The following IL1RAPL2 variants were observed in gnomAD, a reference collection of about 807,000 sequenced individuals.
IL1RAPL2 encodes the protein interleukin 1 receptor accessory protein like 2.
IL1RAPL2 carries 3 observed loss-of-function variants against 44.1 expected under a neutral mutation model. The ratio of observed to expected loss-of-function variants is 0.07; its 90% CI spans 0.03 to 0.18. The LOEUF (loss-of-function observed/expected upper bound fraction) is 0.18, where lower values mean the gene tolerates loss of function less well. Among genes scored for constraint, IL1RAPL2 ranks in the 10% least tolerant of loss-of-function variants. The pLI is 1.00. For synonymous variants in IL1RAPL2, 181 were observed against 178.8 expected (o/e 1.01, Z -0.10); for missense variants, 391 against 496.4 (o/e 0.79, Z 2.02).
chrX:104,583,316 G>T (rs1928449217), intron 1 of IL1RAPL2, among the ~76,000 whole-genome samples: 1 of 111,486 alleles, frequency 9.0e-6, no homozygotes, highest in Non-Finnish European at 1.9e-5. Flanking sequence ...ACAGAGTCAT[G>T]CAACCATCAC....
chrX:105,521,059 C>T (rs368519640), intron 6 of IL1RAPL2, among the ~76,000 whole-genome samples: 3 of 103,683 alleles, frequency 2.9e-5, no homozygotes, highest in East Asian at 6.1e-4. Flanking sequence ...CTCAGCCTCC[C>T]GAGTAGCTGG....
chrX:104,700,831 CACTT>C (rs1166045140), intron 2 of IL1RAPL2, among the ~76,000 whole-genome samples: 2 of 111,894 alleles, frequency 1.8e-5, no homozygotes, highest in African/African-American at 6.5e-5. Flanking sequence ...CTCTCTTAAA[CACTT>C]AATACTGCCC....
intron 1 of IL1RAPL2, among the ~76,000 whole-genome samples, chrX:104,636,615 G>A (rs190724237): frequency 5.0e-4 from 56 of 112,059 alleles, no homozygotes; most frequent in African/African-American, 1.8e-3. Context: ...AGTGAGTGAG[G>A]CTTCGTGGGC....
At chrX:104,951,902 A>T (rs1293432033) in intron 2 of IL1RAPL2, among the ~76,000 whole-genome samples, 1 of 112,258 alleles carries the variant, frequency 8.9e-6, no homozygotes, top group Non-Finnish European at 1.9e-5. Flanking sequence ...CAAAGATTTA[A>T]AAAAGACGTT....
intron 9 of IL1RAPL2, among the ~76,000 whole-genome samples, chrX:105,750,374 A>C (rs2038586412): frequency 9.6e-6 from 1 of 104,045 alleles, no homozygotes; most frequent in Non-Finnish European, 1.9e-5. Context: ...CCTGTACTCA[A>C]GCAATCCTCC....
intron 1 of IL1RAPL2, among the ~76,000 whole-genome samples, chrX:104,581,022 A>G (rs1928334516): frequency 8.9e-6 from 1 of 112,255 alleles, no homozygotes; most frequent in African/African-American, 3.2e-5. Context: ...AATACTTGAC[A>G]TGCAAATGCC....
At chrX:105,030,505 T>C (rs1403158211) in intron 2 of IL1RAPL2, among the ~76,000 whole-genome samples, 7 of 111,811 alleles carry the variant, frequency 6.3e-5, no homozygotes, top group East Asian at 2.8e-4. Context: ...AATAGGGAAT[T>C]ATTTCCCCAT....
intron 2 of IL1RAPL2, among the ~76,000 whole-genome samples, chrX:104,964,279 GATTTATTTATTTATTT>G (rs199756067): frequency 9.9e-5 from 10 of 100,890 alleles, no homozygotes; most frequent in Non-Finnish European, 1.4e-4. Context: ...TTGTGCCAGG[GATTTATTTATTTATTT>G]ATTTATTTAT....
At chrX:105,465,415 A>G (rs2036120988) in intron 5 of IL1RAPL2, among the ~76,000 whole-genome samples, 1 of 112,172 alleles carries the variant, frequency 8.9e-6, no homozygotes, top group South Asian at 3.6e-4. Context: ...AAGTCATAGA[A>G]ATGTGTAATT....
chrX:105,089,254 T>C (rs73638476), intron 2 of IL1RAPL2, among the ~76,000 whole-genome samples: 1,388 of 111,234 alleles, frequency 0.012, 24 homozygotes, highest in African/African-American at 0.043. Flanking sequence ...CTGACCCCTT[T>C]GAGGAAGTTT....
At chrX:105,604,851 A>G (rs1413996690) in intron 6 of IL1RAPL2, among the ~76,000 whole-genome samples, 1 of 111,508 alleles carries the variant, frequency 9.0e-6, no homozygotes, top group Non-Finnish European at 1.9e-5. Context: ...TAAATGTTAT[A>G]TGTTCCTTTG....
At chrX:104,620,639 CAA>C (rs771769782) in intron 1 of IL1RAPL2, among the ~76,000 whole-genome samples, 157 of 14,500 alleles carry the variant, frequency 0.011, no homozygotes, top group African/African-American at 0.028. Context: ...GAGTCTGTCT[CAA>C]AAAAAAAAAA....
At chrX:105,612,260 C>T (rs1467440013) in intron 6 of IL1RAPL2, among the ~76,000 whole-genome samples, 2 of 110,529 alleles carry the variant, frequency 1.8e-5, no homozygotes, top group Non-Finnish European at 3.8e-5. Flanking sequence ...TGCATGCCAC[C>T]ATGCTTAGCT....
chrX:104,821,395 T>G (rs1439288701), intron 2 of IL1RAPL2, among the ~76,000 whole-genome samples: 1 of 110,849 alleles, frequency 9.0e-6, no homozygotes, highest in Non-Finnish European at 1.9e-5. Flanking sequence ...TCCCTCCCCT[T>G]GCCCCCCACC....
intron 2 of IL1RAPL2, among the ~76,000 whole-genome samples, chrX:105,132,126 G>A (rs761427103): frequency 4.5e-4 from 48 of 107,263 alleles, no homozygotes; most frequent in Non-Finnish European, 6.6e-4. Context: ...AATGAAAGTC[G>A]TCTTGGTTCA....
chrX:105,223,869 T>A (rs1254375360), intron 3 of IL1RAPL2, among the ~76,000 whole-genome samples: 5 of 111,721 alleles, frequency 4.5e-5, no homozygotes, highest in Non-Finnish European at 7.5e-5. Flanking sequence ...CAAATCGTAA[T>A]AGATATGAGG....
At chrX:105,050,666 T>C (rs961088726) in intron 2 of IL1RAPL2, among the ~76,000 whole-genome samples, 16 of 111,875 alleles carry the variant, frequency 1.4e-4, no homozygotes, top group African/African-American at 4.2e-4. Flanking sequence ...TTGTCCTGTG[T>C]CCCAGGTCCA....
rs764088090 is a variant in IL1RAPL2, at chrX:104,890,143, G to A, written c.82+231148G>A. ...AGGACATGAACTCATCTTTTTTATG[G>A]CTGCATAGTATACTGTGGTGTATAT... is the stretch of plus-strand genomic sequence containing the variant. On this transcript the variant is annotated intron_variant, in intron 2 of 10. Transcript: ENST00000372582. Among the ~76,000 whole-genome samples, 20 of 111,689 alleles carry A rather than the reference G, an allele frequency of 1.8e-4. No homozygotes were observed. In the South Asian group the frequency reaches 2.3e-3, roughly 13 times the overall value.
At chrX:105,741,095 TAAAA>T (rs1319257276) in intron 8 of IL1RAPL2, among the ~76,000 whole-genome samples, 1 of 111,466 alleles carries the variant, frequency 9.0e-6, no homozygotes, top group Non-Finnish European at 1.9e-5. Flanking sequence ...GACTAAAAAA[TAAAA>T]AAATAATAAT....
Sources: gnomAD v4.1 joint callset for allele counts (sites outside exome capture counted in the v4.1 genomes callset) on GRCh38, gnomAD v4.1.1 for gene constraint, MANE v1.5 for transcripts, NCBI Gene and HGNC (gene_info 2026-07-23, HGNC 2026-07-21) for gene names.